NLRP14: variants seen among roughly 807,000 people sequenced by gnomAD.
NLRP14 encodes the protein NLR family pyrin domain containing 14.
NLRP14 carries 105 observed loss-of-function variants against 94.7 expected under a neutral mutation model. The observed-to-expected ratio is 1.11, with a 90% CI of 0.95 to 1.30. NLRP14 has a LOEUF of 1.30. Ranked by LOEUF, NLRP14 falls within the 50% of genes most tolerant of loss-of-function variation. NLRP14 has a pLI of 0.00. For missense variants in NLRP14, 1,362 were observed against 1,254.1 expected (o/e 1.09, Z -1.30); for synonymous variants, 508 against 459.9 (o/e 1.10, Z -1.34).
In NLRP14 at chr11:7,042,397, CAGAA is replaced by C; in HGVS notation, c.372_375del (p.Glu125ThrfsTer5). Reference sequence around the variant, plus strand: ...TGCCATTCTGACTTAGGTGATGGAACAGAATACAGAAATAGAATAAAGGAAAAAT... The same window carrying C: ...TGCCATTCTGACTTAGGTGATGGAACTACAGAAATAGAATAAAGGAAAAAT... On this transcript the variant is annotated frameshift_variant, in exon 4 of 12. Coordinates refer to ENST00000299481, the MANE Select transcript of NLRP14 (RefSeq NM_176822.4). LOFTEE classifies it high-confidence loss of function. The C allele has an allele frequency of 1.2e-6, 2 of 1,613,362 alleles. No homozygotes were observed. Among genetic ancestry groups the C allele is most frequent in the Non-Finnish European group, 8.5e-7 (1 of 1,179,622 alleles).
chr11:7,072,198 G>A (rs1177355037), downstream of NLRP14, among the ~76,000 whole-genome samples: 1 of 152,200 alleles, frequency 6.6e-6, no homozygotes, highest in Non-Finnish European at 1.5e-5. Context: ...TACTCCACAT[G>A]GTATTACTTG....
At chr11:7,075,373 G>A (rs1377974585), downstream of NLRP14, among the ~76,000 whole-genome samples, 1 of 152,056 alleles carries the variant, frequency 6.6e-6, no homozygotes, top group Non-Finnish European at 1.5e-5. Flanking sequence ...TGCAAGAGTG[G>A]GCTGATAGGA....
At chr11:7,077,277 G>T in the NLRP14 span, among the ~76,000 whole-genome samples, 2 of 152,322 alleles carry the variant, frequency 1.3e-5, no homozygotes, top group African/African-American at 4.8e-5. Context: ...CCCCAATTCT[G>T]GTCTCCATCA....
the NLRP14 span, chr11:7,089,254 CCAA>C: frequency 6.2e-7 from 1 of 1,611,940 alleles, no homozygotes; most frequent in Non-Finnish European, 8.5e-7. Flanking sequence ...GACCGAGAAA[CCAA>C]CAAGTCGAGG....
chr11:7,086,884 T>C, the NLRP14 span, among the ~76,000 whole-genome samples: 5 of 152,126 alleles, frequency 3.3e-5, no homozygotes, highest in African/African-American at 1.2e-4. Context: ...AGCAAGAAAG[T>C]AATAGGAACC....
chr11:7,059,041 T>A (rs1182579097), intron 8 of NLRP14, among the ~76,000 whole-genome samples: 1 of 151,910 alleles, frequency 6.6e-6, no homozygotes, highest in African/African-American at 2.4e-5. Flanking sequence ...TTTTGATCTG[T>A]ATTAATTAAA....
intron 1 of NLRP14, among the ~76,000 whole-genome samples, chr11:7,033,734 C>T (rs921070352): frequency 1.3e-5 from 2 of 152,194 alleles, no homozygotes; most frequent in Non-Finnish European, 2.9e-5. Flanking sequence ...GCATAGTTAA[C>T]GAACATTTTG....
intron 1 of NLRP14, among the ~76,000 whole-genome samples, chr11:7,035,975 C>A (rs1010741791): frequency 6.6e-6 from 1 of 152,134 alleles, no homozygotes; most frequent in Non-Finnish European, 1.5e-5. Context: ...ATGACCTGGG[C>A]AAGTTTCTTA....
intron 5 of NLRP14, among the ~76,000 whole-genome samples, chr11:7,049,056 G>T (rs1292271721): frequency 6.6e-6 from 1 of 152,134 alleles, no homozygotes; most frequent in Non-Finnish European, 1.5e-5. Context: ...GAAAGGTGGT[G>T]TTACAAAGCG....
intron 1 of NLRP14, among the ~76,000 whole-genome samples, chr11:7,026,126 A>C (rs1416292183): frequency 6.6e-6 from 1 of 152,234 alleles, no homozygotes; most frequent in East Asian, 1.9e-4. Flanking sequence ...CACCAAAAGC[A>C]ATGGCAACAA....
At chr11:7,088,419 C>T in the NLRP14 span, among the ~76,000 whole-genome samples, 1 of 151,984 alleles carries the variant, frequency 6.6e-6, no homozygotes. Flanking sequence ...TAAGTTTTAA[C>T]CTTAAATATA....
At position 7,043,517 on chromosome 11, in the gene NLRP14, T is replaced by C. The variant is rs1336337002; in HGVS notation, c.1491T>C (p.Ser497=). The C allele has an allele frequency of 1.9e-6, 3 of 1,614,048 alleles. No individual in the cohort carries two copies. The highest frequency in any genetic ancestry group is 2.7e-5 in the African/African-American group (2 of 74,924). The change falls in exon 4 of 12, where the codon AGT becomes AGC. Residue 497 remains serine, a synonymous_variant. Transcript: ENST00000299481. ...CTATGTTCTATATGTTGAAAGGCAG[T>C]TGGGAAGCTGGGAACCCTTCCTGCC... The part of the protein sequence containing the change: ...FAAMFYMLKG[S]WEAGNPSCQP...
At chr11:7,040,030 C>T (rs1353769621) in intron 3 of NLRP14, among the ~76,000 whole-genome samples, 1 of 152,144 alleles carries the variant, frequency 6.6e-6, no homozygotes, top group Non-Finnish European at 1.5e-5. Flanking sequence ...AGGGCTGACG[C>T]ACAAAGGTAT....
At chr11:7,089,045 G>C in the NLRP14 span, 10 of 1,520,216 alleles carry the variant, frequency 6.6e-6, no homozygotes, top group South Asian at 5.9e-5. Flanking sequence ...CGCCCTCGAC[G>C]AGCGAGCTCG....
chr11:7,052,088 A>T (rs1005228307), intron 6 of NLRP14, among the ~76,000 whole-genome samples: 13 of 152,228 alleles, frequency 8.5e-5, no homozygotes, highest in Non-Finnish European at 1.9e-4. Context: ...AAATTTGCTG[A>T]GCAAGGAGAG....
chr11:7,035,300 G>C (rs1852145955), intron 1 of NLRP14, among the ~76,000 whole-genome samples: 1 of 152,106 alleles, frequency 6.6e-6, no homozygotes, highest in Admixed American at 6.5e-5. Context: ...ACTCCAGCCT[G>C]GGCGACAGAG....
Position 7,049,696 on chromosome 11 carries a change from G to A in NLRP14, c.2149G>A (p.Gly717Ser), listed in dbSNP as rs1852413714. ...GTTGAAATTTATCACTTTCCCTGATGGTTGTCAGGATATCTCTACTTCTTT... is the reference window on the plus strand; with the variant it reads ...GTTGAAATTTATCACTTTCCCTGATAGTTGTCAGGATATCTCTACTTCTTT... The part of the protein sequence containing the change: ...LLLKFITFPD[G>S]CQDISTSLIH... Residue 717 changes from glycine to serine, a missense_variant, in exon 6 of 12, where the codon GGT becomes AGT. By Grantham distance (56) the Gly-to-Ser change is moderately conservative (BLOSUM62 0). Transcript: ENST00000299481. The A allele has an allele frequency of 3.1e-6, 5 of 1,612,532 alleles. No homozygotes were observed. Among genetic ancestry groups the A allele is most frequent in the Non-Finnish European group, 4.2e-6 (5 of 1,178,756 alleles).
At position 7,071,396 on chromosome 11, in the gene NLRP14, A is replaced by T; in HGVS notation, c.*88A>T. On this transcript the variant is annotated 3_prime_UTR_variant, in exon 12 of 12. Transcript: ENST00000299481. ...CCCAGACTTGGGTGCTTAGCTTCAG[A>T]TACTCTATGCCCAGAGATAGTGCAC... 1 of 1,057,754 alleles carries T rather than the reference A, an allele frequency of 9.5e-7. No individual in the cohort carries two copies. Among genetic ancestry groups the T allele is most frequent in the Non-Finnish European group, 1.4e-6 (1 of 706,102 alleles). 65.5% of individuals were successfully genotyped at this position (1,057,754 alleles called of 1,614,324 possible). A position where few individuals can be genotyped will look rare whatever the true frequency, so the allele number is the denominator to read the frequency against.
intron 1 of NLRP14, among the ~76,000 whole-genome samples, chr11:7,028,466 G>A (rs1271250851): frequency 6.6e-6 from 1 of 152,036 alleles, no homozygotes; most frequent in Non-Finnish European, 1.5e-5. Flanking sequence ...CCTCTTAACT[G>A]GTCTGCTTGC....
Sources: gnomAD v4.1 joint callset for allele counts (sites outside exome capture counted in the v4.1 genomes callset) on GRCh38, gnomAD v4.1.1 for gene constraint, MANE v1.5 for transcripts, NCBI Gene and HGNC (gene_info 2026-07-23, HGNC 2026-07-21) for gene names.